Variants in DBF4B observed in about 807,000 individuals in gnomAD.
DBF4B encodes the protein protein DBF4 homolog B.
Under a neutral mutation model 53.4 loss-of-function variants are expected in DBF4B, and 49 were observed. The observed-to-expected ratio is 0.92, with a 90% CI of 0.73 to 1.16. The LOEUF (loss-of-function observed/expected upper bound fraction) is 1.16. DBF4B is among the 50% of genes most tolerant of loss of function. DBF4B has a pLI of 0.00. For synonymous variants in DBF4B, 257 were observed against 288.7 expected (o/e 0.89, Z 1.11); for missense variants, 692 against 775.0 (o/e 0.89, Z 1.27).
intron 3 of DBF4B, among the ~76,000 whole-genome samples, chr17:44,729,176 A>G (rs1011854162): frequency 2.0e-5 from 3 of 152,030 alleles, no homozygotes; most frequent in African/African-American, 7.2e-5. Context: ...GGTAAAGTGT[A>G]TATAACATAA....
intron 12 of DBF4B, 70 bp downstream of exon 12, chr17:44,747,585 C>T (rs2145152457): frequency 1.3e-6 from 2 of 1,579,462 alleles, no homozygotes; most frequent in Middle Eastern, 1.7e-4. Flanking sequence ...GGGAAGAGAC[C>T]CTCAGGTTGG....
intron 3 of DBF4B, among the ~76,000 whole-genome samples, chr17:44,729,402 T>A (rs1349452166): frequency 6.6e-6 from 1 of 151,922 alleles, no homozygotes; most frequent in East Asian, 1.9e-4. Flanking sequence ...GACAGGATCT[T>A]ACTATGTTGC....
At chr17:44,733,081 C>T (rs955566229) in intron 6 of DBF4B, among the ~76,000 whole-genome samples, 9 of 150,508 alleles carry the variant, frequency 6.0e-5, no homozygotes, top group East Asian at 5.9e-4. Flanking sequence ...AGGAGAATGG[C>T]GTGAACCTGG....
chr17:44,743,607 C>CT (rs71136042), intron 10 of DBF4B, among the ~76,000 whole-genome samples: 6,152 of 114,046 alleles, frequency 0.054, 221 homozygotes, highest in African/African-American at 0.081. Flanking sequence ...CTGTATGATT[C>CT]TTTTTTTTTT....
chr17:44,739,874 G>A (rs541394919), intron 9 of DBF4B, among the ~76,000 whole-genome samples: 9 of 152,150 alleles, frequency 5.9e-5, no homozygotes, highest in Admixed American at 3.9e-4. Context: ...AGATTCAAGC[G>A]ATTCTTCTGC....
intron 9 of DBF4B, among the ~76,000 whole-genome samples, chr17:44,739,289 G>C (rs867107317): frequency 1.3e-5 from 2 of 152,154 alleles, no homozygotes; most frequent in Non-Finnish European, 2.9e-5. Context: ...TTCCAAAAAG[G>C]CATTTTCAGA....
rs1975677902 is a variant in DBF4B at position 44,738,443 on chromosome 17, C to A, written c.713+19C>A. On this transcript the variant is annotated intron_variant, in intron 9 of 13. Transcript: ENST00000315005. ...AAAGCAGGTGAGTGGGACCTCCTTT[C>A]TCTGCTTGCCCCAGCTAGGCCTGCA... The A allele has an allele frequency of 6.2e-7, 1 of 1,612,654 alleles. No individual in the cohort carries two copies. The highest frequency in any genetic ancestry group is 1.3e-5 in the African/African-American group (1 of 74,934).
At position 44,747,591 on chromosome 17, in the gene DBF4B, G is replaced by T. The variant is rs115453778; in HGVS notation, c.1064+76G>T. The stretch of plus-strand genomic sequence containing the variant: ...CCTCTGGGTGGGAAGAGACCCTCAG[G>T]TTGGTGGCTGCTGGGACCAGACTGT... On this transcript the variant is annotated intron_variant, in intron 12 of 13. Coordinates refer to ENST00000315005, the MANE Select transcript of DBF4B (RefSeq NM_145663.3). 15 of 1,564,426 alleles carry T rather than the reference G, an allele frequency of 9.6e-6. No individual in the cohort carries two copies. In the East Asian group the frequency reaches 3.2e-4, roughly 33 times the overall value.
chr17:44,747,646 C>T, intron 12 of DBF4B, 131 bp downstream of exon 12: 1 of 1,262,006 alleles, frequency 7.9e-7, no homozygotes, highest in Non-Finnish European at 1.1e-6. Flanking sequence ...ACCTTCCTTT[C>T]CCCTTATCCT....
intron 6 of DBF4B, among the ~76,000 whole-genome samples, chr17:44,733,159 C>T (rs1221098266): frequency 2.8e-5 from 4 of 140,814 alleles, no homozygotes; most frequent in African/African-American, 5.5e-5. Context: ...AGCGAGACTC[C>T]GTCTCAAAAA....
intron 9 of DBF4B, among the ~76,000 whole-genome samples, chr17:44,741,132 CA>C (rs375591548): frequency 1.2e-3 from 145 of 125,862 alleles, no homozygotes; most frequent in East Asian, 4.8e-3. Flanking sequence ...GACTCTGTCT[CA>C]AAAAAAAAAA....
At chr17:44,737,122 G>A (rs1379621665) in intron 8 of DBF4B, among the ~76,000 whole-genome samples, 1 of 152,168 alleles carries the variant, frequency 6.6e-6, no homozygotes, top group Non-Finnish European at 1.5e-5. Flanking sequence ...TTTGGCTCCT[G>A]TGTCCTCTGG....
At chr17:44,721,444 C>T (rs1185188298) in intron 2 of DBF4B, among the ~76,000 whole-genome samples, 2 of 152,128 alleles carry the variant, frequency 1.3e-5, no homozygotes, top group Non-Finnish European at 2.9e-5. Context: ...GTCTCGAACT[C>T]CTGGCCTCAA....
intron 8 of DBF4B, among the ~76,000 whole-genome samples, chr17:44,737,123 T>G (rs966941961): frequency 5.3e-5 from 8 of 152,186 alleles, no homozygotes; most frequent in Non-Finnish European, 7.3e-5. Context: ...TTGGCTCCTG[T>G]GTCCTCTGGC....
chr17:44,737,890 C>G (rs537029010), intron 8 of DBF4B, among the ~76,000 whole-genome samples: 57 of 152,330 alleles, frequency 3.7e-4, no homozygotes, highest in African/African-American at 1.2e-3. Context: ...AACCCAGGGT[C>G]CTCCTGGAGC....
rs199522499 is a variant in DBF4B, at chr17:44,711,594, C to CT, written c.82+2229dup. ...TGGGAGGCCAAGGCAGGCGGATCACCTGAGATCAGGAGTTCAAGACCAGCC... is the reference window on the plus strand; with the variant it reads ...TGGGAGGCCAAGGCAGGCGGATCACCTTGAGATCAGGAGTTCAAGACCAGCC... On this transcript the variant is annotated intron_variant, in intron 2 of 13. Coordinates refer to ENST00000315005, the MANE Select transcript of DBF4B (RefSeq NM_145663.3). Among the ~76,000 whole-genome samples the CT allele has an allele frequency of 8.7e-3, 1,324 of 152,002 alleles. 29 individuals are homozygous for CT. The highest frequency in any genetic ancestry group is 0.045 in the Admixed American group (688 of 15,232).
chr17:44,735,526 C>T (rs2145009834), intron 7 of DBF4B, among the ~76,000 whole-genome samples: 1 of 152,158 alleles, frequency 6.6e-6, no homozygotes, highest in Admixed American at 6.5e-5. Context: ...CAAAATTAGC[C>T]ATGTGTGGTG....
chr17:44,721,663 A>C (rs1023989958), intron 2 of DBF4B, among the ~76,000 whole-genome samples: 21 of 152,062 alleles, frequency 1.4e-4, no homozygotes, highest in African/African-American at 4.6e-4. Context: ...ATACCAGATA[A>C]AGTTTCTTTG....
intron 3 of DBF4B, among the ~76,000 whole-genome samples, chr17:44,726,725 CTT>C (rs1210618843): frequency 6.6e-6 from 1 of 152,104 alleles, no homozygotes; most frequent in African/African-American, 2.4e-5. Flanking sequence ...CATTTAGACT[CTT>C]AATAATTTTT....
Sources: allele counts gnomAD v4.1 joint callset (sites outside exome capture counted in the v4.1 genomes callset), GRCh38; gene constraint gnomAD v4.1.1; transcripts MANE v1.5; gene names NCBI Gene and HGNC (gene_info 2026-07-23, HGNC 2026-07-21).